The following CDT1 variants were observed in gnomAD, a reference collection of about 807,000 sequenced individuals.
CDT1 encodes chromatin licensing and DNA replication factor 1.
A neutral mutation model predicts 49.3 loss-of-function variants in CDT1; 66 were observed. The observed-to-expected ratio is 1.34, with a 90% CI of 1.10 to 1.64. CDT1 has a LOEUF of 1.64. Among genes scored for constraint, CDT1 ranks in the 40% most tolerant of loss-of-function variants. The pLI is 0.00. For synonymous variants in CDT1, 424 were observed against 347.4 expected, an observed-to-expected ratio of 1.22 and a Z score of -2.45; for missense variants, 958 against 807.7, an observed-to-expected ratio of 1.19 and a Z score of -2.26.
Position 88,806,627 on chromosome 16 carries a change from A to G in CDT1, c.1075A>G (p.Thr359Ala), listed in dbSNP as rs1029068826. Residue 359 changes from threonine (T) to alanine (A), a missense_variant, in exon 7 of 10, where the codon ACT becomes GCT. Thr to Ala is a moderately conservative substitution (Grantham distance 58, BLOSUM62 0). Transcript: ENST00000301019. ...GCCACCCGCCACGGAGAAGCTCACC[A>G]CTGCTCAGGAGGTGCTGGCCCGGGC... is the stretch of plus-strand genomic sequence containing the variant. ...PQPPATEKLT[T>A]AQEVLARARN... The G allele has an allele frequency of 6.2e-7, 1 of 1,611,436 alleles. No homozygotes were observed. Among genetic ancestry groups the G allele is most frequent in the Middle Eastern group, 1.8e-4 (1 of 5,684 alleles).
Position 88,803,850 on chromosome 16 carries a change from A to G in CDT1, c.19A>G (p.Thr7Ala). 1 of 1,496,928 alleles carries G rather than the reference A, an allele frequency of 6.7e-7. No individual in the cohort carries two copies. The highest frequency in any genetic ancestry group is 1.5e-5 in the African/African-American group (1 of 68,530). 92.7% of individuals were successfully genotyped at this position (1,496,928 alleles called of 1,614,324 possible). MEQRRV[T>A]DFFARRRPGP... The stretch of plus-strand genomic sequence containing the variant: ...CGCCGCCATGGAGCAGCGCCGCGTC[A>G]CCGACTTCTTCGCGCGCCGCCGCCC... Residue 7 changes from threonine to alanine, a missense_variant, in exon 1 of 10, where the codon ACC becomes GCC. Physicochemically the swap from Thr to Ala is moderately conservative, Grantham distance 58. Coordinates refer to ENST00000301019, the MANE Select transcript of CDT1 (RefSeq NM_030928.4).
Position 88,804,830 on chromosome 16 carries a change from G to A in CDT1, c.420G>A (p.Leu140=). The A allele has an allele frequency of 6.2e-7, 1 of 1,612,212 alleles. No homozygotes were observed. The highest frequency in any genetic ancestry group is 1.1e-5 in the South Asian group (1 of 91,018). The change falls in exon 3 of 10, where the codon CTG becomes CTA. Residue 140 remains leucine, a synonymous_variant. Transcript: ENST00000301019. ...AGCTGGGGGCAAGAGTCCGGGCGCT[G>A]AAGGCCAGTGCCCAGGATGCTGGGG... ...ARELGARVRA[L]KASAQDAGES...
At chr16:88,807,526 C>T in intron 9 of CDT1, 44 bp downstream of exon 9, 1 of 1,568,478 alleles carries the variant, frequency 6.4e-7, no homozygotes, top group Non-Finnish European at 8.7e-7. Flanking sequence ...GTGGAATTGC[C>T]TGGTGCTGCA....
In CDT1 at chr16:88,804,410, C is replaced by T. The variant is rs1908764758; in HGVS notation, c.229-135C>T. On this transcript the variant is annotated intron_variant, in intron 1 of 9. Coordinates refer to ENST00000301019, the MANE Select transcript of CDT1 (RefSeq NM_030928.4). ...CCCCGGCCTTAGCACAGACCACCATCTACGGGAAGTCCTAAGCCCCCCAGC... is the reference window on the plus strand; with the variant it reads ...CCCCGGCCTTAGCACAGACCACCATTTACGGGAAGTCCTAAGCCCCCCAGC... 4.3e-6 allele frequency: 5 copies of T among 1,162,458 alleles called. No individual in the cohort carries two copies. The Admixed American group carries it at 8.9e-5, about 21-fold the overall frequency. 72.0% of individuals were successfully genotyped at this position (1,162,458 alleles called of 1,614,324 possible). A position where few individuals can be genotyped will look rare whatever the true frequency, so the allele number is the denominator to read the frequency against.
chr16:88,806,178 C>G (rs1415366041), intron 6 of CDT1, 57 bp downstream of exon 6: 1 of 1,409,600 alleles, frequency 7.1e-7, no homozygotes, highest in African/African-American at 1.4e-5. Flanking sequence ...TGCCTCAGCA[C>G]CTAACCCTGT....
Position 88,808,171 on chromosome 16 carries a change from C to T in CDT1, c.1534C>T (p.Leu512Phe). The change falls in exon 10 of 10, where the codon CTC (leucine) becomes TTC (phenylalanine). Residue 512 changes from leucine (L) to phenylalanine (F), a missense_variant. Leu to Phe is a conservative substitution (Grantham distance 22). Coordinates refer to ENST00000301019, the MANE Select transcript of CDT1 (RefSeq NM_030928.4). Reference sequence around the variant, plus strand: ...CGAGCTGCTGCCGGACTGGCTCAGCCTCCACCGCATCCGCACCGACACCTA... The same window carrying T: ...CGAGCTGCTGCCGGACTGGCTCAGCTTCCACCGCATCCGCACCGACACCTA... ...LSELLPDWLS[L>F]HRIRTDTYVK... 2 of 1,612,904 alleles carry T rather than the reference C, an allele frequency of 1.2e-6. No individual in the cohort carries two copies. Among genetic ancestry groups the T allele is most frequent in the Non-Finnish European group, 8.5e-7 (1 of 1,179,980 alleles).
At position 88,805,462 on chromosome 16, in the gene CDT1, C is replaced by T; in HGVS notation, c.511C>T (p.Gln171Ter). The change falls in exon 4 of 10, where the codon CAG (glutamine) becomes TAG (stop). Residue 171 changes from glutamine (Q) to a stop codon, truncating the protein, a stop_gained. Coordinates refer to ENST00000301019, the MANE Select transcript of CDT1 (RefSeq NM_030928.4). LOFTEE classifies it high-confidence loss of function. ...CAGTGGCGAGAAGGCGCCCGCCTAC[C>T]AGCGCTTCCATGCCCTGGCCCAGCC... ...EPCGEKAPAY[Q>*]RFHALAQPGL... The T allele has an allele frequency of 6.2e-7, 1 of 1,612,766 alleles. No homozygotes were observed. The highest frequency in any genetic ancestry group is 8.5e-7 in the Non-Finnish European group (1 of 1,179,942).
At position 88,806,110 on chromosome 16, in the gene CDT1, G is replaced by GAGC. The variant is rs769255686; in HGVS notation, c.924_926dup (p.Glu308_His309insGln). 1 of 1,598,686 alleles carries GAGC rather than the reference G, an allele frequency of 6.3e-7. No homozygotes were observed. Among genetic ancestry groups the GAGC allele is most frequent in the African/African-American group, 1.3e-5 (1 of 74,952 alleles). ...CCAGAAGCTGGTGGAGCATGTCAAG[G>GAGC]AGCACCACAAGGTGAGCGGCCCCCG... On this transcript the variant is annotated inframe_insertion, in exon 6 of 10. Coordinates refer to ENST00000301019, the MANE Select transcript of CDT1 (RefSeq NM_030928.4).
chr16:88,808,515 TGTCCTTGCTGCTGGTGGGGAAG>T lies in CDT1; in HGVS notation c.*239_*260del. 1.8e-6 allele frequency: 1 copy of T among 565,324 alleles called. No homozygotes were observed. The allele number at this position is 565,324 out of a possible 1,614,324, so 35.0% of individuals were successfully genotyped here. ...TTAAACCGGTTTCTGTGGGCACCTC[TGTCCTTGCTGCTGGTGGGGAAG>T]GGAAGCCAGATCCAGCACCCCCTGG... On this transcript the variant is annotated 3_prime_UTR_variant, in exon 10 of 10. Coordinates refer to ENST00000301019, the MANE Select transcript of CDT1 (RefSeq NM_030928.4).
Position 88,808,331 on chromosome 16 carries a change from C to T in CDT1, c.*53C>T. The stretch of plus-strand genomic sequence containing the variant: ...GGCTTCAGAAGCTCGCTGGCCTGGG[C>T]CCACCAGCATTTTCTTTTATGAACA... On this transcript the variant is annotated 3_prime_UTR_variant, in exon 10 of 10. Transcript: ENST00000301019. 1.3e-6 allele frequency: 2 copies of T among 1,526,784 alleles called. No homozygotes were observed. The highest frequency in any genetic ancestry group is 1.8e-6 in the Non-Finnish European group (2 of 1,131,838). The allele number at this position is 1,526,784 out of a possible 1,614,324, so 94.6% of individuals were successfully genotyped here. A position where few individuals can be genotyped will look rare whatever the true frequency, so the allele number is the denominator to read the frequency against.
chr16:88,804,910 G>T lies in CDT1; in HGVS notation c.488+12G>T, dbSNP rs1376900367. 1 of 1,550,070 alleles carries T rather than the reference G, an allele frequency of 6.5e-7. No homozygotes were observed. The highest frequency in any genetic ancestry group is 8.7e-7 in the Non-Finnish European group (1 of 1,152,952). On this transcript the variant is annotated intron_variant, in intron 3 of 9. Coordinates refer to ENST00000301019, the MANE Select transcript of CDT1 (RefSeq NM_030928.4). ...CCTGAGGAGCCATGGTGAGTGCTGGGTGGGCGGCCACGAGGCCCCGGCAAA... is the reference window on the plus strand; with the variant it reads ...CCTGAGGAGCCATGGTGAGTGCTGGTTGGGCGGCCACGAGGCCCCGGCAAA...
intron 7 of CDT1, 21 bp from the exon 8 acceptor site, chr16:88,807,030 T>C: frequency 6.2e-7 from 1 of 1,612,772 alleles, no homozygotes; most frequent in African/African-American, 1.3e-5. Context: ...ACCTCTCCAG[T>C]CCAACCTGTC....
At chr16:88,804,170 G>T (rs1342836930) in intron 1 of CDT1, 111 bp downstream of exon 1, 1 of 738,654 alleles carries the variant, frequency 1.4e-6, no homozygotes, top group East Asian at 3.6e-5. Flanking sequence ...GGAAACAGGC[G>T]GGGGGGACGG....
Position 88,808,221 on chromosome 16 carries a change from C to T in CDT1, c.1584C>T (p.Asp528=). The change falls in exon 10 of 10, where the codon GAC becomes GAT. Residue 528 remains aspartate, a synonymous_variant. Transcript: ENST00000301019. ...DTYVKLDKAA[D]LAHITARLAH... ...ACGTCAAGCTGGACAAGGCCGCGGA[C>T]CTCGCCCACATCACTGCACGCCTGG... The T allele has an allele frequency of 6.2e-7, 1 of 1,610,298 alleles. No individual in the cohort carries two copies. Among genetic ancestry groups the T allele is most frequent in the South Asian group, 1.1e-5 (1 of 90,538 alleles).
At position 88,803,881 on chromosome 16, in the gene CDT1, C is replaced by A; in HGVS notation, c.50C>A (p.Pro17His). ...TDFFARRRPG[P>H]PRIAPPKLAC... is the part of the protein sequence containing the mutation. ...TTCTTCGCGCGCCGCCGCCCCGGGC[C>A]CCCCCGCATCGCGCCGCCCAAGCTG... The change falls in exon 1 of 10, where the codon CCC becomes CAC. Residue 17 changes from proline to histidine, a missense_variant. Physicochemically the swap from Pro to His is moderately conservative, Grantham distance 77. Transcript: ENST00000301019. 1 of 1,468,544 alleles carries A rather than the reference C, an allele frequency of 6.8e-7. No homozygotes were observed. The highest frequency in any genetic ancestry group is 9.0e-7 in the Non-Finnish European group (1 of 1,106,986). 91.0% of individuals were successfully genotyped at this position (1,468,544 alleles called of 1,614,324 possible).
chr16:88,807,272 C>G lies in CDT1; in HGVS notation c.1276-9C>G, dbSNP rs773268104. On this transcript the variant is annotated splice_polypyrimidine_tract_variant and intron_variant, in intron 8 of 9. Transcript: ENST00000301019. Reference sequence around the variant, plus strand: ...CTGCCCACTAACCAGGTCCCGGTACCTGCTGCAGATCCGAGCCAAGGAGGC... The same window carrying G: ...CTGCCCACTAACCAGGTCCCGGTACGTGCTGCAGATCCGAGCCAAGGAGGC... 4.3e-6 allele frequency: 7 copies of G among 1,611,866 alleles called. No homozygotes were observed. The highest frequency in any genetic ancestry group is 1.3e-5 in the African/African-American group (1 of 74,928).
Position 88,806,049 on chromosome 16 carries a change from G to A in CDT1, c.861G>A (p.Thr287=), listed in dbSNP as rs1385781702. The part of the protein sequence containing the change: ...QEADGAAPQL[T]ASRLLQRRQI... Reference sequence around the variant, plus strand: ...CTGACGGAGCAGCCCCCCAGCTCACGGCCTCGCGCCTCCTGCAGCGACGGC... The same window carrying A: ...CTGACGGAGCAGCCCCCCAGCTCACAGCCTCGCGCCTCCTGCAGCGACGGC... Residue 287 remains threonine (T), a synonymous_variant, in exon 6 of 10, where the codon ACG becomes ACA. Coordinates refer to ENST00000301019, the MANE Select transcript of CDT1 (RefSeq NM_030928.4). 19 of 1,595,754 alleles carry A rather than the reference G, an allele frequency of 1.2e-5. No homozygotes were observed. Among genetic ancestry groups the A allele is most frequent in the African/African-American group, 1.3e-5 (1 of 74,730 alleles).
Position 88,803,922 on chromosome 16 carries a change from A to G in CDT1, c.91A>G (p.Ser31Gly). ...APPKLACRTPSPARPALRAPA... is the reference protein window; with the variant it reads ...APPKLACRTPGPARPALRAPA... ...GCCCAAGCTGGCCTGCCGCACCCCC[A>G]GCCCCGCCAGGCCCGCACTCCGCGC... The change falls in exon 1 of 10, where the codon AGC becomes GGC. Residue 31 changes from serine to glycine, a missense_variant. Transcript: ENST00000301019. 1 of 1,370,956 alleles carries G rather than the reference A, an allele frequency of 7.3e-7. No individual in the cohort carries two copies. Among genetic ancestry groups the G allele is most frequent in the South Asian group, 1.5e-5 (1 of 66,102 alleles). The allele number at this position is 1,370,956 out of a possible 1,614,324, so 84.9% of individuals were successfully genotyped here.
Position 88,808,479 on chromosome 16 carries a change from G to C in CDT1, c.*201G>C. On this transcript the variant is annotated 3_prime_UTR_variant, in exon 10 of 10. Transcript: ENST00000301019. ...TGGGCCCCTTCATGGGGCTCACCTGGTGGATTCACATTAAACCGGTTTCTG... is the reference window on the plus strand; with the variant it reads ...TGGGCCCCTTCATGGGGCTCACCTGCTGGATTCACATTAAACCGGTTTCTG... The C allele has an allele frequency of 1.6e-6, 1 of 618,990 alleles. No homozygotes were observed. Among genetic ancestry groups the C allele is most frequent in the Non-Finnish European group, 2.8e-6 (1 of 356,320 alleles). 38.3% of individuals were successfully genotyped at this position (618,990 alleles called of 1,614,324 possible).
Sources: gnomAD v4.1 joint callset for allele counts on GRCh38, gnomAD v4.1.1 for gene constraint, MANE v1.5 for transcripts, NCBI Gene and HGNC (gene_info 2026-07-23, HGNC 2026-07-21) for gene names.